The following FAF1 variants were observed in gnomAD, a reference collection of about 807,000 sequenced individuals.
FAF1 encodes Fas associated factor 1.
A neutral mutation model predicts 92.5 loss-of-function variants in FAF1; 25 were observed. That is an observed-to-expected ratio of 0.27 (90% confidence interval 0.20 to 0.38). The LOEUF is 0.38. Ranked by LOEUF, FAF1 falls within the 10% of genes least tolerant of loss-of-function variation. The probability of loss-of-function intolerance (pLI) is 1.00; values close to 1 mark genes in which losing one functional copy is unlikely to be tolerated. For synonymous variants in FAF1, 234 were observed against 273.2 expected, an observed-to-expected ratio of 0.86 and a Z score of 1.42; for missense variants, 636 against 793.3, an observed-to-expected ratio of 0.80 and a Z score of 2.38.
chr1:50,489,880 A>C (rs1317882913), intron 17 of FAF1, among the ~76,000 whole-genome samples: 1 of 135,224 alleles, frequency 7.4e-6, no homozygotes, highest in African/African-American at 2.8e-5. Context: ...AGGAAGGATG[A>C]GAAATATTTG....
At chr1:50,554,755 A>G (rs944663407) in intron 13 of FAF1, among the ~76,000 whole-genome samples, 3 of 152,312 alleles carry the variant, frequency 2.0e-5, no homozygotes, top group African/African-American at 7.2e-5. Flanking sequence ...TTTTCTACTG[A>G]AAACAACTGT....
intron 1 of FAF1, among the ~76,000 whole-genome samples, chr1:50,860,329 T>C (rs1008447473): frequency 6.6e-6 from 1 of 151,900 alleles, no homozygotes; most frequent in African/African-American, 2.4e-5. Context: ...ACCTACAGAA[T>C]AGGATAAAAT....
intron 2 of FAF1, among the ~76,000 whole-genome samples, chr1:50,805,434 T>C (rs1374394670): frequency 6.6e-6 from 1 of 152,116 alleles, no homozygotes; most frequent in Non-Finnish European, 1.5e-5. Context: ...AAGGTATGCA[T>C]AAAATACAGT....
At chr1:50,830,124 T>C (rs1415640159) in intron 2 of FAF1, among the ~76,000 whole-genome samples, 1 of 152,176 alleles carries the variant, frequency 6.6e-6, no homozygotes, top group African/African-American at 2.4e-5. Flanking sequence ...TTTGGGTCTT[T>C]TTGGTTTTTT....
At chr1:50,629,674 G>A (rs1653672527) in intron 8 of FAF1, among the ~76,000 whole-genome samples, 1 of 152,182 alleles carries the variant, frequency 6.6e-6, no homozygotes, top group African/African-American at 2.4e-5. Context: ...TCAACAAGTT[G>A]TTAAACCACC....
At chr1:50,895,807 T>C (rs1644753374) in intron 1 of FAF1, among the ~76,000 whole-genome samples, 1 of 151,968 alleles carries the variant, frequency 6.6e-6, no homozygotes, top group Non-Finnish European at 1.5e-5. Flanking sequence ...TTCACTGCAA[T>C]AGATACTGAA....
At chr1:50,564,668 G>A (rs770610004) in intron 13 of FAF1, among the ~76,000 whole-genome samples, 1 of 152,112 alleles carries the variant, frequency 6.6e-6, no homozygotes, top group Non-Finnish European at 1.5e-5. Context: ...TAAATGTGGT[G>A]TAAAAATCCA....
At chr1:50,671,538 T>A (rs374554882) in intron 7 of FAF1, among the ~76,000 whole-genome samples, 12 of 152,278 alleles carry the variant, frequency 7.9e-5, no homozygotes, top group African/African-American at 2.6e-4. Context: ...GTTACTGTAA[T>A]AGATAATGTT....
At chr1:50,827,540 C>A (rs905906627) in intron 2 of FAF1, among the ~76,000 whole-genome samples, 3 of 151,938 alleles carry the variant, frequency 2.0e-5, no homozygotes, top group African/African-American at 7.3e-5. Context: ...CCTTTGTTCA[C>A]GTGTTTATCT....
At chr1:50,658,377 A>G (rs188737577) in intron 7 of FAF1, among the ~76,000 whole-genome samples, 6 of 152,330 alleles carry the variant, frequency 3.9e-5, no homozygotes, top group Admixed American at 1.3e-4. Context: ...CACAAATACT[A>G]TAAGTATACA....
intron 8 of FAF1, among the ~76,000 whole-genome samples, chr1:50,641,396 T>C (rs147886252): frequency 1.3e-5 from 2 of 152,326 alleles, no homozygotes; most frequent in African/African-American, 4.8e-5. Context: ...TTCATTTTAA[T>C]TTAGTTTAAA....
intron 1 of FAF1, among the ~76,000 whole-genome samples, chr1:50,918,174 CTTTTTT>C (rs869179803): frequency 1.5e-5 from 2 of 130,104 alleles, no homozygotes; most frequent in African/African-American, 2.8e-5. Context: ...ATGTAAATTT[CTTTTTT>C]TTTTTTTTTA....
Position 50,960,204 on chromosome 1 carries a change from G to T in FAF1, c.-393C>A. 1 of 324,880 alleles carries T rather than the reference G, an allele frequency of 3.1e-6. No individual in the cohort carries two copies. Among genetic ancestry groups the T allele is most frequent in the Non-Finnish European group, 5.6e-6 (1 of 177,444 alleles). The allele number at this position is 324,880 out of a possible 1,614,324, so 20.1% of individuals were successfully genotyped here. ...GGAAACCGAGCGAGCGAGCGGGCGGGCGAACGCCGCGGCCGCCTCCGCCTC... is the reference window on the plus strand; with the variant it reads ...GGAAACCGAGCGAGCGAGCGGGCGGTCGAACGCCGCGGCCGCCTCCGCCTC... On this transcript the variant is annotated 5_prime_UTR_variant, in exon 1 of 19. Coordinates refer to ENST00000396153, the MANE Select transcript of FAF1 (RefSeq NM_007051.3).
At chr1:50,661,399 A>T (rs1461024380) in intron 7 of FAF1, among the ~76,000 whole-genome samples, 1 of 152,198 alleles carries the variant, frequency 6.6e-6, no homozygotes, top group African/African-American at 2.4e-5. Context: ...ACATTTTGAT[A>T]TGGCAAAATA....
chr1:50,693,834 G>C (rs1311493373), intron 7 of FAF1, among the ~76,000 whole-genome samples: 3 of 151,624 alleles, frequency 2.0e-5, no homozygotes, highest in Admixed American at 2.0e-4. Flanking sequence ...CCACATAAAT[G>C]GTTCAATTGA....
chr1:50,595,629 GC>G (rs904753220), intron 9 of FAF1, among the ~76,000 whole-genome samples: 7 of 152,044 alleles, frequency 4.6e-5, no homozygotes, highest in African/African-American at 1.7e-4. Context: ...TGCAACCTCT[GC>G]CTGCTGGATT....
chr1:50,662,848 C>T lies in FAF1; in HGVS notation c.658-7320G>A, dbSNP rs184161507. ...CCCGAGTAGCTGGGACTGCAGGCAC[C>T]CACTAGCGCGCCCGGCTAATTTTTT... is the stretch of plus-strand genomic sequence containing the variant. On this transcript the variant is annotated intron_variant, in intron 7 of 18. Transcript: ENST00000396153. 7.9e-4 allele frequency among the ~76,000 whole-genome samples: 117 copies of T among 148,522 alleles called. 4 individuals are homozygous for T. Among genetic ancestry groups the T allele is most frequent in the African/African-American group, 2.8e-3 (107 of 38,218 alleles).
intron 12 of FAF1, among the ~76,000 whole-genome samples, chr1:50,572,522 A>T (rs1345878657): frequency 6.6e-6 from 1 of 152,156 alleles, no homozygotes; most frequent in East Asian, 1.9e-4. Flanking sequence ...CTACAATGCT[A>T]TTCTTGTATA....
At position 50,461,877 on chromosome 1, in the gene FAF1, C is replaced by T. The variant is rs1400133905; in HGVS notation, c.1869+13587G>A. 3.7e-5 allele frequency among the ~76,000 whole-genome samples: 4 copies of T among 107,862 alleles called. No homozygotes were observed. In the Admixed American group the frequency reaches 3.8e-4, roughly 10 times the overall value. 70.8% of individuals were successfully genotyped at this position (107,862 alleles called of 152,430 possible). Reference sequence around the variant, plus strand: ...ATTCTTTGTCTTCTTGAAACCAAAACACTGAAAAAAAAAAAGAAAAAAAAA... The same window carrying T: ...ATTCTTTGTCTTCTTGAAACCAAAATACTGAAAAAAAAAAAGAAAAAAAAA... On this transcript the variant is annotated intron_variant, in intron 18 of 18. Transcript: ENST00000396153.
Sources: allele counts gnomAD v4.1 joint callset (sites outside exome capture counted in the v4.1 genomes callset), GRCh38; gene constraint gnomAD v4.1.1; transcripts MANE v1.5; gene names NCBI Gene and HGNC (gene_info 2026-07-23, HGNC 2026-07-21).